EPHA6: variants seen among roughly 807,000 people sequenced by gnomAD.
EPHA6 encodes the protein ephrin type-A receptor 6.
In EPHA6, 50 loss-of-function variants were observed where a neutral mutation model predicts 112.0. The ratio of observed to expected loss-of-function variants is 0.45; its 90% CI spans 0.36 to 0.56. EPHA6 has a LOEUF of 0.56. Ranked by LOEUF, EPHA6 falls within the 20% of genes least tolerant of loss-of-function variation. The probability of loss-of-function intolerance (pLI) is 0.00; values close to 1 mark genes in which losing one functional copy is unlikely to be tolerated. For synonymous variants in EPHA6, 529 were observed against 490.7 expected (o/e 1.08, Z -1.03); for missense variants, 1,280 against 1,417.4 (o/e 0.90, Z 1.56).
At chr3:96,831,871 A>T (rs752692657) in intron 1 of EPHA6, among the ~76,000 whole-genome samples, 2 of 152,030 alleles carry the variant, frequency 1.3e-5, no homozygotes, top group Admixed American at 6.6e-5. Context: ...CCAGTGCAAC[A>T]CCTGGAATGT....
intron 3 of EPHA6, among the ~76,000 whole-genome samples, chr3:97,194,148 G>A (rs189498918): frequency 6.6e-5 from 10 of 151,824 alleles, no homozygotes; most frequent in African/African-American, 2.4e-4. Context: ...TCTTTAGTTT[G>A]TAGAGTTAGG....
chr3:97,158,700 A>G (rs1452463557), intron 3 of EPHA6, among the ~76,000 whole-genome samples: 1 of 152,158 alleles, frequency 6.6e-6, no homozygotes. Flanking sequence ...ACATAAGATG[A>G]CATAAACCAA....
At chr3:97,027,805 G>A (rs182156018) in intron 3 of EPHA6, among the ~76,000 whole-genome samples, 11 of 152,220 alleles carry the variant, frequency 7.2e-5, no homozygotes, top group Admixed American at 3.3e-4. Context: ...CTTTGTGGCC[G>A]TAACTACTAT....
rs66581386 is a variant in EPHA6, at chr3:96,994,709, GTATATATA to G, written c.1114+6733_1114+6740del. Among the ~76,000 whole-genome samples the G allele has an allele frequency of 3.5e-3, 344 of 98,438 alleles. 5 individuals carry two copies. The highest frequency in any genetic ancestry group is 0.016 in the African/African-American group (307 of 18,624). 64.6% of individuals were successfully genotyped at this position (98,438 alleles called of 152,430 possible). On this transcript the variant is annotated intron_variant, in intron 3 of 17. Transcript: ENST00000389672. ...TGTGTGTGTATGTGTGTGTGTGTGTGTATATATATATATATATATATATAGAGAGAGAG... is the reference window on the plus strand; with the variant it reads ...TGTGTGTGTATGTGTGTGTGTGTGTGTATATATATATATATAGAGAGAGAG...
Position 96,987,889 on chromosome 3 carries a change from G to T in EPHA6, c.1010G>T (p.Arg337Leu), listed in dbSNP as rs572811264. Residue 337 changes from arginine to leucine, a missense_variant, in exon 3 of 18, where the codon CGT becomes CTT. Arg to Leu is a moderately radical substitution (Grantham distance 102). Around this residue, in one of 4 missense-constraint regions of EPHA6, gnomAD observed 878 missense variants for 999.7 expected, o/e 0.88. Coordinates refer to ENST00000389672, the MANE Select transcript of EPHA6 (RefSeq NM_001080448.3). ...TCTTGTGTGAAGAGTGCTGAAGAGC[G>T]TGACACTCCTAAACTGTATTGTGGA... ...RGSCVKSAEE[R>L]DTPKLYCGAD... The T allele has an allele frequency of 1.2e-6, 2 of 1,613,790 alleles. No individual in the cohort carries two copies. Among genetic ancestry groups the T allele is most frequent in the East Asian group, 4.5e-5 (2 of 44,856 alleles).
intron 5 of EPHA6, among the ~76,000 whole-genome samples, chr3:97,303,616 TAC>T (rs1219510567): frequency 6.6e-6 from 1 of 151,872 alleles, no homozygotes; most frequent in African/African-American, 2.4e-5. Flanking sequence ...ATAGAAAGAT[TAC>T]AGAGAGAAAC....
intron 2 of EPHA6, among the ~76,000 whole-genome samples, chr3:96,941,921 AGAACAGC>A (rs2040974080): frequency 6.7e-6 from 1 of 149,700 alleles, no homozygotes; most frequent in African/African-American, 2.6e-5. Context: ...CGGTGGCTGT[AGAACAGC>A]GGATTTTCAT....
intron 5 of EPHA6, among the ~76,000 whole-genome samples, chr3:97,393,794 C>T (rs979350162): frequency 1.3e-5 from 2 of 151,700 alleles, no homozygotes; most frequent in African/African-American, 2.4e-5. Flanking sequence ...AAGAGATCGA[C>T]TTTTTTAGAT....
At chr3:97,407,177 T>C (rs7616158) in intron 6 of EPHA6, among the ~76,000 whole-genome samples, 22,321 of 152,004 alleles carry the variant, frequency 0.15, 5,147 homozygotes, top group African/African-American at 0.49. Context: ...TTTTATAAAT[T>C]AATATGATTC....
Position 97,406,829 on chromosome 3 carries a change from A to G in EPHA6, c.1731+1555A>G, listed in dbSNP as rs192758478. On this transcript the variant is annotated intron_variant, in intron 6 of 17. Coordinates refer to ENST00000389672, the MANE Select transcript of EPHA6 (RefSeq NM_001080448.3). ...AAATTATCCTGGCCAATATGTGCTC[A>G]GAAATCTGCTGGGCTAGCCTTTCAA... 5.4e-3 allele frequency among the ~76,000 whole-genome samples: 826 copies of G among 152,284 alleles called. 8 individuals carry two copies. The highest frequency in any genetic ancestry group is 8.5e-3 in the Non-Finnish European group (578 of 68,000).
At position 96,814,856 on chromosome 3, in the gene EPHA6, G is replaced by A. The variant is rs529253968; in HGVS notation, c.233G>A (p.Arg78His). The A allele has an allele frequency of 5.8e-5, 91 of 1,562,254 alleles. 1 individual carries two copies. The South Asian group carries it at 1.0e-3, about 17-fold the overall frequency. The change falls in exon 1 of 18, where the codon CGC becomes CAC. Residue 78 changes from arginine (R) to histidine (H), a missense_variant. Around this residue, in one of 4 missense-constraint regions of EPHA6, gnomAD observed 220 missense variants for 171.5 expected, o/e 1.28. Coordinates refer to ENST00000389672, the MANE Select transcript of EPHA6 (RefSeq NM_001080448.3). ...DPHPTQNTCL[R>H]CRHFSLRERK... is the part of the protein sequence containing the mutation. The stretch of plus-strand genomic sequence containing the variant: ...CATCCTACCCAGAACACCTGCCTGC[G>A]CTGCCGCCACTTCTCTTTAAGGGAG...
intron 3 of EPHA6, among the ~76,000 whole-genome samples, chr3:97,021,127 T>G (rs747847545): frequency 6.6e-6 from 1 of 152,208 alleles, no homozygotes. Flanking sequence ...AAGTTTAAAA[T>G]GTACTGCAAA....
intron 5 of EPHA6, among the ~76,000 whole-genome samples, chr3:97,355,964 CA>C (rs1213345397): frequency 1.3e-5 from 2 of 152,112 alleles, no homozygotes; most frequent in Non-Finnish European, 2.9e-5. Context: ...ATAAAAGGGT[CA>C]ATTCAGCAAG....
At chr3:97,164,602 C>T (rs1237801580) in intron 3 of EPHA6, among the ~76,000 whole-genome samples, 1 of 151,942 alleles carries the variant, frequency 6.6e-6, no homozygotes, top group Non-Finnish European at 1.5e-5. Flanking sequence ...TTCAGTATTA[C>T]TCAGATATAA....
chr3:97,527,460 TG>T (rs929348646), intron 10 of EPHA6, among the ~76,000 whole-genome samples: 4 of 152,136 alleles, frequency 2.6e-5, no homozygotes, highest in African/African-American at 9.7e-5. Context: ...CCACCTATTC[TG>T]CCATCTTATC....
chr3:97,413,637 C>A (rs2087895652), intron 6 of EPHA6, among the ~76,000 whole-genome samples: 1 of 152,004 alleles, frequency 6.6e-6, no homozygotes. Flanking sequence ...AGTTCTCTGT[C>A]TGGGAACTAA....
At chr3:97,675,207 C>T (rs559287398) in intron 14 of EPHA6, among the ~76,000 whole-genome samples, 139 of 152,214 alleles carry the variant, frequency 9.1e-4, no homozygotes, top group African/African-American at 3.0e-3. Flanking sequence ...GTGTCAGGTG[C>T]GGTAGCTCAT....
At chr3:96,864,773 A>G (rs1019927779) in intron 1 of EPHA6, among the ~76,000 whole-genome samples, 1 of 152,124 alleles carries the variant, frequency 6.6e-6, no homozygotes, top group African/African-American at 2.4e-5. Context: ...AGGAATGCCA[A>G]CTAACTTATT....
chr3:96,814,992 C>G lies in EPHA6; in HGVS notation c.369C>G (p.His123Gln), dbSNP rs568474301. ...LLTAWPGDCSHVSNNQVVLLD... is the reference protein window; with the variant it reads ...LLTAWPGDCSQVSNNQVVLLD... ...CAGCGTGGCCAGGCGACTGCAGTCA[C>G]GTCTCCAACAACCAAGGTAAGGGAC... The change falls in exon 1 of 18, where the codon CAC becomes CAG. Residue 123 changes from histidine (H) to glutamine (Q), a missense_variant. This residue lies in a region of EPHA6 where 220 missense variants were observed against 171.5 expected (regional missense o/e 1.28). Coordinates refer to ENST00000389672, the MANE Select transcript of EPHA6 (RefSeq NM_001080448.3). 1.3e-6 allele frequency: 2 copies of G among 1,523,500 alleles called. No homozygotes were observed. Among genetic ancestry groups the G allele is most frequent in the African/African-American group, 2.8e-5 (2 of 72,394 alleles). 94.4% of individuals were successfully genotyped at this position (1,523,500 alleles called of 1,614,324 possible).
Sources: allele counts gnomAD v4.1 joint callset (sites outside exome capture counted in the v4.1 genomes callset), GRCh38; gene constraint gnomAD v4.1.1; regional missense constraint gnomAD v4.1.1; transcripts MANE v1.5; gene names NCBI Gene and HGNC (gene_info 2026-07-23, HGNC 2026-07-21).